SECISBP2: variants seen among roughly 807,000 people sequenced by gnomAD.
SECISBP2 encodes the protein SECIS binding protein 2.
SECISBP2 carries 96 observed loss-of-function variants against 98.2 expected under a neutral mutation model. That is an observed-to-expected ratio of 0.98 (90% confidence interval 0.83 to 1.16). The LOEUF (loss-of-function observed/expected upper bound fraction) is 1.16. Ranked by LOEUF, SECISBP2 falls within the 50% of genes most tolerant of loss-of-function variation. SECISBP2 has a pLI of 0.00. For missense variants in SECISBP2, 1,046 were observed against 1,022.9 expected (o/e 1.02, Z -0.31); for synonymous variants, 407 against 370.2 (o/e 1.10, Z -1.14).
rs748440432 is a variant in SECISBP2, at chr9:89,336,988, G to T, written c.1090-1470G>T. 2.0e-5 allele frequency among the ~76,000 whole-genome samples: 3 copies of T among 151,904 alleles called. 1 individual carries two copies. Among genetic ancestry groups the T allele is most frequent in the Non-Finnish European group, 2.9e-5 (2 of 67,956 alleles). Reference sequence around the variant, plus strand: ...GGGGTTTCACCATGTTGGTCAGGGTGGTCTCGAACTCCTGACCTCAGGTGA... The same window carrying T: ...GGGGTTTCACCATGTTGGTCAGGGTTGTCTCGAACTCCTGACCTCAGGTGA... On this transcript the variant is annotated intron_variant, in intron 7 of 16. Transcript: ENST00000375807.
chr9:89,319,028 C>A (rs1441783343), intron 1 of SECISBP2: 1 of 1,025,316 alleles, frequency 9.8e-7, no homozygotes. Flanking sequence ...CCCTGGCGAT[C>A]GCTTGCATCA....
intron 5 of SECISBP2, chr9:89,329,997 G>A (rs976282868): frequency 6.6e-5 from 10 of 152,172 alleles, no homozygotes; most frequent in Non-Finnish European, 4.4e-5. Flanking sequence ...ATGAAAGGCT[G>A]TATAGTAGGT....
At chr9:89,362,152 A>AACTT, downstream of SECISBP2, 1 of 600,034 alleles carries the variant, frequency 1.7e-6, no homozygotes, top group South Asian at 2.0e-5. Flanking sequence ...TGCCAGACAG[A>AACTT]ACTTACTGTC....
rs376449278 is a variant in SECISBP2 at position 89,350,863 on chromosome 9, A to C, written c.2113+11A>C. On this transcript the variant is annotated intron_variant, in intron 14 of 16. Coordinates refer to ENST00000375807, the MANE Select transcript of SECISBP2 (RefSeq NM_024077.5). ...AGATACAGTCAAAAGGTAAAGGCACAGTGTGGTCCTGTGATATGTGGGCCC... is the reference window on the plus strand; with the variant it reads ...AGATACAGTCAAAAGGTAAAGGCACCGTGTGGTCCTGTGATATGTGGGCCC... 4.3e-6 allele frequency: 7 copies of C among 1,611,280 alleles called. No homozygotes were observed. Among genetic ancestry groups the C allele is most frequent in the Non-Finnish European group, 5.9e-6 (7 of 1,177,692 alleles).
chr9:89,348,804 C>T (rs894934360), intron 12 of SECISBP2, among the ~76,000 whole-genome samples: 6 of 152,264 alleles, frequency 3.9e-5, no homozygotes, highest in African/African-American at 1.2e-4. Context: ...CTGTGTGTTA[C>T]GTGCTGCTCT....
chr9:89,339,909 GAC>G lies in SECISBP2; in HGVS notation c.1260_1261del (p.Asp420GlufsTer10), dbSNP rs1226906024. ...PNLAVASERR[D>X]RIETPKFQSK... ...CCTGGCAGTTGCATCTGAAAGAAGA[GAC>G]AGAATAGAGACACCGAAATTTCAAT... is the stretch of plus-strand genomic sequence containing the variant. On this transcript the variant is annotated frameshift_variant, in exon 9 of 17. Transcript: ENST00000375807. LOFTEE classifies it high-confidence loss of function. The G allele has an allele frequency of 6.2e-7, 1 of 1,613,854 alleles. No individual in the cohort carries two copies. Among genetic ancestry groups the G allele is most frequent in the African/African-American group, 1.3e-5 (1 of 75,046 alleles).
At chr9:89,338,863 C>T (rs1829206614) in intron 8 of SECISBP2, among the ~76,000 whole-genome samples, 1 of 151,750 alleles carries the variant, frequency 6.6e-6, no homozygotes, top group Non-Finnish European at 1.5e-5. Flanking sequence ...ACTAATATTT[C>T]CCCTCAGTTA....
chr9:89,347,301 A>G lies in SECISBP2; in HGVS notation c.1602+253A>G, dbSNP rs146577574. On this transcript the variant is annotated intron_variant, in intron 11 of 16. Coordinates refer to ENST00000375807, the MANE Select transcript of SECISBP2 (RefSeq NM_024077.5). Reference sequence around the variant, plus strand: ...CATGTTTTATTTTTTCAACTTTGCAATGGATGGACAGAAAACCAGAAATGG... The same window carrying G: ...CATGTTTTATTTTTTCAACTTTGCAGTGGATGGACAGAAAACCAGAAATGG... Among the ~76,000 whole-genome samples the G allele has an allele frequency of 6.4e-3, 974 of 152,158 alleles. 12 individuals are homozygous for G. Among genetic ancestry groups the G allele is most frequent in the African/African-American group, 0.022 (911 of 41,500 alleles).
intron 14 of SECISBP2, chr9:89,354,956 C>T (rs1168723839): frequency 2.0e-6 from 2 of 985,324 alleles, no homozygotes; most frequent in Non-Finnish European, 2.4e-6. Flanking sequence ...CCCTATCTCC[C>T]CTTTTCCCAG....
intron 10 of SECISBP2, among the ~76,000 whole-genome samples, chr9:89,343,402 G>A (rs1829955827): frequency 6.6e-6 from 1 of 151,856 alleles, no homozygotes; most frequent in Admixed American, 6.6e-5. Flanking sequence ...TGTTATATAG[G>A]TAAACTTGTG....
intron 10 of SECISBP2, among the ~76,000 whole-genome samples, chr9:89,342,317 C>A (rs994623444): frequency 6.6e-6 from 1 of 152,188 alleles, no homozygotes; most frequent in Non-Finnish European, 1.5e-5. Context: ...AAAATTGGAA[C>A]CCCGTACGCT....
chr9:89,355,562 A>G (rs7040729), intron 14 of SECISBP2: 307,112 of 977,252 alleles, frequency 0.31, 49,548 homozygotes, highest in Admixed American at 0.44. Flanking sequence ...AGTTCCAAGT[A>G]TTTCTTCTGG....
Position 89,357,548 on chromosome 9 carries a change from A to T in SECISBP2, c.2251A>T (p.Ser751Cys). ...AVPVSVVGIFSYDGAQDQFHK... is the reference protein window; with the variant it reads ...AVPVSVVGIFCYDGAQDQFHK... ...TCCTGTCAGTGTGGTGGGGATCTTC[A>T]GCTATGATGGGGCCCAGGTGAGTGC... The change falls in exon 15 of 17, where the codon AGC becomes TGC. Residue 751 changes from serine (S) to cysteine (C), a missense_variant. By Grantham distance (112) the Ser-to-Cys change is moderately radical (BLOSUM62 -1). Coordinates refer to ENST00000375807, the MANE Select transcript of SECISBP2 (RefSeq NM_024077.5). 6.2e-7 allele frequency: 1 copy of T among 1,613,868 alleles called. No individual in the cohort carries two copies. The highest frequency in any genetic ancestry group is 2.2e-5 in the East Asian group (1 of 44,878).
chr9:89,318,821 CAGTT>C (rs1432792691), intron 1 of SECISBP2: 5 of 1,270,418 alleles, frequency 3.9e-6, no homozygotes, highest in South Asian at 2.5e-5. Context: ...ACCCCGCCCA[CAGTT>C]AGCGCCGCGT....
At chr9:89,360,196 C>G (rs1356638640), downstream of SECISBP2, among the ~76,000 whole-genome samples, 1 of 152,092 alleles carries the variant, frequency 6.6e-6, no homozygotes, top group Non-Finnish European at 1.5e-5. Context: ...GTCAGCCAGG[C>G]CATCAGTAGT....
chr9:89,362,406 A>C (rs148210520), downstream of SECISBP2: 3 of 1,614,058 alleles, frequency 1.9e-6, no homozygotes, highest in Non-Finnish European at 2.5e-6. Flanking sequence ...TGGTGGCTAC[A>C]GGGTGTCCTT....
At chr9:89,344,584 G>A (rs561193393) in intron 10 of SECISBP2, among the ~76,000 whole-genome samples, 30 of 152,262 alleles carry the variant, frequency 2.0e-4, no homozygotes, top group Middle Eastern at 3.4e-3. Context: ...CCCATTGCTT[G>A]TGTTTGTCAA....
At chr9:89,355,510 G>A in intron 14 of SECISBP2, 1 of 965,612 alleles carries the variant, frequency 1.0e-6, no homozygotes, top group Non-Finnish European at 1.2e-6. Flanking sequence ...ACCTCTTTTA[G>A]ATTGATTTGT....
chr9:89,344,233 T>G (rs1830110964), intron 10 of SECISBP2, among the ~76,000 whole-genome samples: 1 of 152,246 alleles, frequency 6.6e-6, no homozygotes, highest in African/African-American at 2.4e-5. Context: ...GATGGATAGA[T>G]TGCAGAAATT....
Sources: allele counts gnomAD v4.1 joint callset (sites outside exome capture counted in the v4.1 genomes callset), GRCh38; gene constraint gnomAD v4.1.1; transcripts MANE v1.5; gene names NCBI Gene and HGNC (gene_info 2026-07-23, HGNC 2026-07-21).